XKR4: variants seen among roughly 807,000 people sequenced by gnomAD.
XKR4 encodes the protein XK-related protein 4.
A neutral mutation model predicts 53.9 loss-of-function variants in XKR4; 12 were observed. That is an observed-to-expected ratio of 0.22 (90% CI 0.14 to 0.36). The LOEUF is 0.36. Among genes scored for constraint, XKR4 ranks in the 10% least tolerant of loss-of-function variants. XKR4 has a pLI of 1.00. For synonymous variants in XKR4, 354 were observed against 362.4 expected (o/e 0.98, Z 0.26); for missense variants, 799 against 859.5 (o/e 0.93, Z 0.88).
intron 1 of XKR4, among the ~76,000 whole-genome samples, chr8:55,278,269 G>A (rs1818792371): frequency 6.6e-6 from 1 of 151,236 alleles, no homozygotes; most frequent in African/African-American, 2.4e-5. Flanking sequence ...CCCTGGAGAC[G>A]GAGGTTGCAG....
chr8:55,206,417 C>A (rs1033178953), intron 1 of XKR4, among the ~76,000 whole-genome samples: 9 of 152,022 alleles, frequency 5.9e-5, no homozygotes, highest in African/African-American at 2.2e-4. Context: ...TCCCCACCCA[C>A]CCAGGAGCCC....
At chr8:55,418,204 G>A (rs559556327) in intron 2 of XKR4, among the ~76,000 whole-genome samples, 1 of 152,246 alleles carries the variant, frequency 6.6e-6, no homozygotes, top group African/African-American at 2.4e-5. Context: ...TTAGACACAG[G>A]CTGTACTCAT....
At chr8:55,167,776 T>C (rs1270391316) in intron 1 of XKR4, among the ~76,000 whole-genome samples, 1 of 152,142 alleles carries the variant, frequency 6.6e-6, no homozygotes, top group Non-Finnish European at 1.5e-5. Flanking sequence ...TAATGAACAC[T>C]GATTGAAAAG....
chr8:55,164,938 C>A lies in XKR4; in HGVS notation c.806+61644C>A, dbSNP rs538071511. Among the ~76,000 whole-genome samples the A allele has an allele frequency of 2.6e-5, 4 of 152,294 alleles. No homozygotes were observed. In the South Asian group the frequency reaches 8.3e-4, roughly 32 times the overall value. Reference sequence around the variant, plus strand: ...CCTCCCTCTCCCCATGTCCTATAGACCCTGTGTTCCGGATCCATCCTTTGA... The same window carrying A: ...CCTCCCTCTCCCCATGTCCTATAGAACCTGTGTTCCGGATCCATCCTTTGA... On this transcript the variant is annotated intron_variant, in intron 1 of 2. Coordinates refer to ENST00000327381, the MANE Select transcript of XKR4 (RefSeq NM_052898.2).
chr8:55,155,794 C>T (rs1432676829), intron 1 of XKR4, among the ~76,000 whole-genome samples: 1 of 152,008 alleles, frequency 6.6e-6, no homozygotes, highest in Non-Finnish European at 1.5e-5. Context: ...GATGAGTCAC[C>T]CACAGTGAAT....
At chr8:55,145,630 C>T (rs1413305669) in intron 1 of XKR4, among the ~76,000 whole-genome samples, 1 of 152,078 alleles carries the variant, frequency 6.6e-6, no homozygotes, top group Admixed American at 6.5e-5. Context: ...TGAATAGTTG[C>T]AATATATACA....
chr8:55,130,965 G>T lies in XKR4; in HGVS notation c.806+27671G>T, dbSNP rs574051385. Among the ~76,000 whole-genome samples, 47 of 152,218 alleles carry T rather than the reference G, an allele frequency of 3.1e-4. 1 individual carries two copies. The highest frequency in any genetic ancestry group is 1.1e-3 in the African/African-American group (45 of 41,542). On this transcript the variant is annotated intron_variant, in intron 1 of 2. Transcript: ENST00000327381. Reference sequence around the variant, plus strand: ...ACCTGAGGTCGGGAGTTTGAGACCAGCTTGACCGACGTGGAGAAACCCCAT... The same window carrying T: ...ACCTGAGGTCGGGAGTTTGAGACCATCTTGACCGACGTGGAGAAACCCCAT...
intron 1 of XKR4, among the ~76,000 whole-genome samples, chr8:55,173,752 T>A (rs1817194218): frequency 6.6e-6 from 1 of 152,174 alleles, no homozygotes; most frequent in Non-Finnish European, 1.5e-5. Flanking sequence ...GCAAATGCTG[T>A]CCTACACTGC....
intron 2 of XKR4, among the ~76,000 whole-genome samples, chr8:55,369,256 G>A (rs1376466239): frequency 6.6e-6 from 1 of 151,350 alleles, no homozygotes; most frequent in Non-Finnish European, 1.5e-5. Flanking sequence ...CCAGTTACTT[G>A]AGAGGCTAAG....
At chr8:55,149,181 C>T (rs1816809147) in intron 1 of XKR4, among the ~76,000 whole-genome samples, 2 of 152,158 alleles carry the variant, frequency 1.3e-5, no homozygotes, top group East Asian at 1.9e-4. Flanking sequence ...CTCTGCCATT[C>T]GAGAGTCTAT....
chr8:55,292,345 G>A (rs1363016585), intron 1 of XKR4, among the ~76,000 whole-genome samples: 1 of 151,830 alleles, frequency 6.6e-6, no homozygotes, highest in Non-Finnish European at 1.5e-5. Flanking sequence ...AAGTTATAGG[G>A]GTATTCAAGT....
At position 55,525,966 on chromosome 8, in the gene XKR4, G is replaced by C. The variant is rs867331476; in HGVS notation, c.*1739G>C. The stretch of plus-strand genomic sequence containing the variant: ...GTGCTATCAGAATATCAGGTGAAGA[G>C]AGAATCAGCTTAAATAGAAAGGGCT... On this transcript the variant is annotated 3_prime_UTR_variant, in exon 3 of 3. Coordinates refer to ENST00000327381, the MANE Select transcript of XKR4 (RefSeq NM_052898.2). The C allele has an allele frequency of 6.6e-6, 1 of 152,562 alleles. No homozygotes were observed. Among genetic ancestry groups the C allele is most frequent in the Admixed American group, 6.5e-5 (1 of 15,276 alleles). 9.5% of individuals were successfully genotyped at this position (152,562 alleles called of 1,614,324 possible). A position where few individuals can be genotyped will look rare whatever the true frequency, so the allele number is the denominator to read the frequency against.
chr8:55,238,025 A>G (rs1369995731), intron 1 of XKR4, among the ~76,000 whole-genome samples: 4 of 152,226 alleles, frequency 2.6e-5, no homozygotes, highest in Admixed American at 2.0e-4. Context: ...AGTCTTGGTC[A>G]CACATTTCCT....
intron 2 of XKR4, among the ~76,000 whole-genome samples, chr8:55,423,286 G>A (rs1292688953): frequency 6.6e-6 from 1 of 152,038 alleles, no homozygotes; most frequent in Non-Finnish European, 1.5e-5. Context: ...GTAGAGAAGG[G>A]GTTTCACCAT....
intron 1 of XKR4, among the ~76,000 whole-genome samples, chr8:55,240,687 T>C (rs867843195): frequency 1.3e-5 from 2 of 152,142 alleles, no homozygotes; most frequent in South Asian, 2.1e-4. Context: ...GGGAATAGCC[T>C]CACATCTCTG....
At chr8:55,163,099 A>T (rs1056538812) in intron 1 of XKR4, among the ~76,000 whole-genome samples, 4 of 152,210 alleles carry the variant, frequency 2.6e-5, no homozygotes, top group African/African-American at 9.6e-5. Flanking sequence ...TTGTAATTTC[A>T]GTGACAGTAG....
chr8:55,196,134 A>T (rs1195392622), intron 1 of XKR4, among the ~76,000 whole-genome samples: 1 of 151,252 alleles, frequency 6.6e-6, no homozygotes, highest in Non-Finnish European at 1.5e-5. Context: ...TTTATAGTAA[A>T]TATAGCAAAT....
intron 2 of XKR4, among the ~76,000 whole-genome samples, chr8:55,487,574 C>A (rs545577236): frequency 6.6e-6 from 1 of 151,920 alleles, no homozygotes; most frequent in South Asian, 2.1e-4. Flanking sequence ...TCAAGCGATT[C>A]TCATGCCTCA....
chr8:55,156,397 T>G (rs1816906928), intron 1 of XKR4, among the ~76,000 whole-genome samples: 1 of 118,984 alleles, frequency 8.4e-6, no homozygotes, highest in Admixed American at 1.1e-4. Context: ...GCGCGCATAG[T>G]CACGGCGTAA....
Sources: gnomAD v4.1 joint callset for allele counts (sites outside exome capture counted in the v4.1 genomes callset) on GRCh38, gnomAD v4.1.1 for gene constraint, MANE v1.5 for transcripts, NCBI Gene and HGNC (gene_info 2026-07-23, HGNC 2026-07-21) for gene names.